ERBB4: variants seen among roughly 807,000 people sequenced by gnomAD.
ERBB4 encodes receptor tyrosine-protein kinase erbB-4.
Under a neutral mutation model 158.0 loss-of-function variants are expected in ERBB4, and 42 were observed. The observed-to-expected ratio is 0.27, with a 90% CI of 0.21 to 0.34. ERBB4 has a LOEUF of 0.34. Among genes scored for constraint, ERBB4 ranks in the 10% least tolerant of loss-of-function variants. The pLI is 1.00. For missense variants in ERBB4, 1,333 were observed against 1,624.1 expected, an observed-to-expected ratio of 0.82 and a Z score of 3.08; for synonymous variants, 583 against 558.7, an observed-to-expected ratio of 1.04 and a Z score of -0.61.
At chr2:212,484,008 T>C (rs1256184309) in intron 1 of ERBB4, among the ~76,000 whole-genome samples, 5 of 152,182 alleles carry the variant, frequency 3.3e-5, no homozygotes, top group Non-Finnish European at 7.3e-5. Context: ...AGTGTTAGGA[T>C]TACAGGCATG....
intron 1 of ERBB4, among the ~76,000 whole-genome samples, chr2:212,383,841 T>A (rs1390483049): frequency 6.6e-6 from 1 of 151,704 alleles, no homozygotes. Context: ...ATTAGGCACA[T>A]GTCAGGCTTC....
At chr2:211,694,126 T>A (rs189919091) in intron 12 of ERBB4, among the ~76,000 whole-genome samples, 61 of 152,318 alleles carry the variant, frequency 4.0e-4, no homozygotes, top group African/African-American at 1.4e-3. Flanking sequence ...GCAAATACCC[T>A]ATTCCCAAAT....
At chr2:211,979,913 T>C (rs1013041353) in intron 2 of ERBB4, among the ~76,000 whole-genome samples, 13 of 152,156 alleles carry the variant, frequency 8.5e-5, no homozygotes, top group African/African-American at 3.1e-4. Context: ...TTACTGAACC[T>C]CCATTTTCTT....
chr2:211,427,379 A>G (rs1358624177), intron 22 of ERBB4, among the ~76,000 whole-genome samples: 1 of 152,112 alleles, frequency 6.6e-6, no homozygotes, highest in African/African-American at 2.4e-5. Flanking sequence ...ATATATTTAA[A>G]CTTAGAAACG....
At chr2:211,774,059 G>T (rs973564422) in intron 4 of ERBB4, among the ~76,000 whole-genome samples, 1 of 150,860 alleles carries the variant, frequency 6.6e-6, no homozygotes, top group Non-Finnish European at 1.5e-5. Context: ...GATGCTCTGT[G>T]GTCACCCCAA....
chr2:212,164,106 C>A (rs1304955400), intron 1 of ERBB4, among the ~76,000 whole-genome samples: 1 of 151,760 alleles, frequency 6.6e-6, no homozygotes, highest in African/African-American at 2.4e-5. Flanking sequence ...CTGGCCTGAA[C>A]AATTTTTGAT....
At chr2:211,953,757 G>T (rs2080946525) in intron 2 of ERBB4, among the ~76,000 whole-genome samples, 1 of 151,784 alleles carries the variant, frequency 6.6e-6, no homozygotes, top group South Asian at 2.1e-4. Context: ...CTAGCCCAAG[G>T]GACAATTTGT....
chr2:212,446,539 G>C (rs1231859712), intron 1 of ERBB4, among the ~76,000 whole-genome samples: 15 of 123,564 alleles, frequency 1.2e-4, no homozygotes, highest in Non-Finnish European at 2.4e-4. Flanking sequence ...GCCTATTGTA[G>C]GACCTTGTGA....
chr2:212,398,187 G>A lies in ERBB4; in HGVS notation c.82+140262C>T, dbSNP rs377321578. Among the ~76,000 whole-genome samples the A allele has an allele frequency of 5.9e-5, 9 of 151,830 alleles. No individual in the cohort carries two copies. In the South Asian group the frequency reaches 8.3e-4, roughly 14 times the overall value. ...ATTATAACCTCAAAGTTGGAAAAGAGAATGTATATTTAAGGCAGTAAAGCT... is the reference window on the plus strand; with the variant it reads ...ATTATAACCTCAAAGTTGGAAAAGAAAATGTATATTTAAGGCAGTAAAGCT... On this transcript the variant is annotated intron_variant, in intron 1 of 27. Coordinates refer to ENST00000342788, the MANE Select transcript of ERBB4 (RefSeq NM_005235.3).
intron 3 of ERBB4, among the ~76,000 whole-genome samples, chr2:211,902,536 T>C (rs999050752): frequency 1.3e-5 from 2 of 151,960 alleles, no homozygotes; most frequent in South Asian, 2.1e-4. Context: ...TCTATGTATA[T>C]GTAAGAGAAA....
intron 16 of ERBB4, among the ~76,000 whole-genome samples, chr2:211,640,920 C>T (rs527280606): frequency 1.8e-4 from 27 of 152,044 alleles, no homozygotes; most frequent in Admixed American, 9.8e-4. Flanking sequence ...ATAATAAGGC[C>T]GATGATGCCT....
At chr2:212,313,452 G>A (rs1477147044) in intron 1 of ERBB4, among the ~76,000 whole-genome samples, 1 of 150,218 alleles carries the variant, frequency 6.7e-6, no homozygotes, top group Non-Finnish European at 1.5e-5. Flanking sequence ...ACTAATTCTG[G>A]TATATATATA....
At chr2:211,749,905 C>T (rs1414796014) in intron 5 of ERBB4, among the ~76,000 whole-genome samples, 1 of 151,684 alleles carries the variant, frequency 6.6e-6, no homozygotes, top group African/African-American at 2.4e-5. Context: ...GAGTGTTTAC[C>T]ACTTGTATAG....
chr2:211,593,034 T>C (rs1018564281), intron 19 of ERBB4, among the ~76,000 whole-genome samples: 2 of 145,570 alleles, frequency 1.4e-5, no homozygotes, highest in African/African-American at 5.1e-5. Context: ...AGAAGGGCCC[T>C]TCTGCACACT....
At chr2:211,445,040 T>C (rs554676365) in intron 20 of ERBB4, among the ~76,000 whole-genome samples, 1 of 152,226 alleles carries the variant, frequency 6.6e-6, no homozygotes, top group African/African-American at 2.4e-5. Flanking sequence ...AAGGTAATGG[T>C]ATATTTAGAA....
chr2:211,850,909 T>C (rs145585701), intron 3 of ERBB4, among the ~76,000 whole-genome samples: 3 of 152,120 alleles, frequency 2.0e-5, no homozygotes, highest in Non-Finnish European at 4.4e-5. Flanking sequence ...TAGATTCTGA[T>C]GTGTACACAA....
chr2:211,980,880 A>AT (rs1282781096), intron 2 of ERBB4, among the ~76,000 whole-genome samples: 1 of 151,932 alleles, frequency 6.6e-6, no homozygotes, highest in Non-Finnish European at 1.5e-5. Context: ...AATCATTTGA[A>AT]TTTTCGCCCC....
chr2:212,165,464 G>A (rs1449767468), intron 1 of ERBB4, among the ~76,000 whole-genome samples: 1 of 151,832 alleles, frequency 6.6e-6, no homozygotes, highest in Non-Finnish European at 1.5e-5. Flanking sequence ...TACCCCAAAG[G>A]ATAAATAGTG....
intron 1 of ERBB4, among the ~76,000 whole-genome samples, chr2:212,487,414 CTT>C (rs778712284): frequency 6.6e-6 from 1 of 151,688 alleles, no homozygotes; most frequent in African/African-American, 2.4e-5. Context: ...CTTTAGCAAA[CTT>C]TTTTTTATAG....
Sources: gnomAD v4.1 joint callset for allele counts (sites outside exome capture counted in the v4.1 genomes callset) on GRCh38, gnomAD v4.1.1 for gene constraint, MANE v1.5 for transcripts, NCBI Gene and HGNC (gene_info 2026-07-23, HGNC 2026-07-21) for gene names.